Variants in TPRG1 observed in about 807,000 individuals in gnomAD.
TPRG1 encodes tumor protein p63 regulated 1.
A neutral mutation model predicts 29.3 loss-of-function variants in TPRG1; 29 were observed. The ratio of observed to expected loss-of-function variants is 0.99; its 90% CI spans 0.74 to 1.35. TPRG1 has a LOEUF of 1.35. Ranked by LOEUF, TPRG1 falls within the 40% of genes most tolerant of loss-of-function variation. The pLI is 0.00. For synonymous variants in TPRG1, 130 were observed against 116.8 expected, an observed-to-expected ratio of 1.11 and a Z score of -0.73; for missense variants, 327 against 335.0, an observed-to-expected ratio of 0.98 and a Z score of 0.19.
chr3:189,147,271 T>A (rs1462487905), intron 3 of TPRG1, among the ~76,000 whole-genome samples: 1 of 152,194 alleles, frequency 6.6e-6, no homozygotes, highest in African/African-American at 2.4e-5. Flanking sequence ...CTCCAGAATC[T>A]TTCGGCCTCA....
intron 4 of TPRG1, among the ~76,000 whole-genome samples, chr3:189,273,094 G>A (rs1336696677): frequency 6.6e-6 from 1 of 152,138 alleles, no homozygotes; most frequent in African/African-American, 2.4e-5. Context: ...AGAATGTGTT[G>A]AGGGAAAATC....
chr3:189,180,125 G>T (rs1387654458), intron 1 of TPRG1, among the ~76,000 whole-genome samples: 2 of 152,132 alleles, frequency 1.3e-5, no homozygotes, highest in Non-Finnish European at 2.9e-5. Context: ...TTGCTATCAT[G>T]AGAACAGCAT....
In TPRG1 at chr3:189,037,494, G is replaced by GAACCT. The variant is rs879851039; in HGVS notation, c.-463+13548_-463+13549insAACCT. Among the ~76,000 whole-genome samples, 3 of 151,940 alleles carry GAACCT rather than the reference G, an allele frequency of 2.0e-5. No homozygotes were observed. The East Asian group carries it at 5.8e-4, about 29-fold the overall frequency. ...GCATAAATGAGAACCTTATTAACTA[G>GAACCT]TTAAAGGCTGTATATGAACAACTTT... On this transcript the variant is annotated intron_variant, in intron 4 of 10. Coordinates refer to the TPRG1 transcript ENST00000433971.
At chr3:189,057,863 TAC>T (rs1715833253) in intron 4 of TPRG1, among the ~76,000 whole-genome samples, 1 of 111,546 alleles carries the variant, frequency 9.0e-6, no homozygotes, top group African/African-American at 5.8e-5. Flanking sequence ...TATACACACA[TAC>T]GTATGTGTGT....
chr3:189,315,616 G>C, intron 5 of TPRG1: 1 of 391,994 alleles, frequency 2.6e-6, no homozygotes, highest in Non-Finnish European at 5.1e-6. Flanking sequence ...CTCTTTTCTT[G>C]TATTTCTATC....
intron 1 of TPRG1, among the ~76,000 whole-genome samples, chr3:189,193,821 G>T (rs1732113123): frequency 6.7e-6 from 1 of 149,974 alleles, no homozygotes; most frequent in African/African-American, 2.5e-5. Context: ...TCCTGATTTT[G>T]TTGAATCGTC....
intron 1 of TPRG1, among the ~76,000 whole-genome samples, chr3:189,113,091 C>A (rs1465378245): frequency 6.6e-6 from 1 of 152,098 alleles, no homozygotes; most frequent in Admixed American, 6.5e-5. Flanking sequence ...AGGTCCTTCA[C>A]GTCCCTTGTA....
chr3:189,029,755 C>T (rs935752212), intron 4 of TPRG1, among the ~76,000 whole-genome samples: 16 of 152,116 alleles, frequency 1.1e-4, no homozygotes, highest in Admixed American at 3.3e-4. Context: ...GGCTTGGTGC[C>T]ATCCCCTGGA....
intron 4 of TPRG1, among the ~76,000 whole-genome samples, chr3:189,087,730 G>A (rs1225525392): frequency 1.3e-5 from 2 of 152,188 alleles, no homozygotes; most frequent in East Asian, 1.9e-4. Flanking sequence ...CAGATGTCTA[G>A]CCAGTTTTCC....
At chr3:189,190,364 A>G (rs759395654) in intron 1 of TPRG1, among the ~76,000 whole-genome samples, 34 of 152,256 alleles carry the variant, frequency 2.2e-4, no homozygotes, top group Non-Finnish European at 4.4e-4. Flanking sequence ...TTCAGTTTCT[A>G]TCTGGTCTCC....
chr3:189,111,069 C>G (rs1042923122), intron 1 of TPRG1, among the ~76,000 whole-genome samples: 2 of 150,684 alleles, frequency 1.3e-5, no homozygotes, highest in African/African-American at 4.9e-5. Context: ...TCTGCCTTTC[C>G]TTGGAAATTT....
chr3:189,055,027 G>A (rs935394652), intron 4 of TPRG1, among the ~76,000 whole-genome samples: 1 of 152,134 alleles, frequency 6.6e-6, no homozygotes, highest in Non-Finnish European at 1.5e-5. Context: ...AGGTATGTGT[G>A]TACAGTTTTT....
chr3:189,250,521 C>T (rs1306201372), intron 4 of TPRG1, among the ~76,000 whole-genome samples: 1 of 121,116 alleles, frequency 8.3e-6, no homozygotes, highest in Non-Finnish European at 1.8e-5. Context: ...CCCCCCCACC[C>T]AGATTAAAGC....
chr3:189,301,765 A>G (rs1224408005), intron 4 of TPRG1, among the ~76,000 whole-genome samples: 1 of 152,104 alleles, frequency 6.6e-6, no homozygotes, highest in Non-Finnish European at 1.5e-5. Context: ...TGAACACACT[A>G]TGCCTCTTCG....
intron 4 of TPRG1, among the ~76,000 whole-genome samples, chr3:189,304,828 A>T (rs1048171834): frequency 6.6e-6 from 1 of 152,184 alleles, no homozygotes; most frequent in Admixed American, 6.5e-5. Flanking sequence ...GAAAGGAGAC[A>T]TTAAGAAAAT....
chr3:189,013,196 T>C (rs367683733), intron 3 of TPRG1, among the ~76,000 whole-genome samples: 217 of 152,248 alleles, frequency 1.4e-3, no homozygotes, highest in African/African-American at 4.8e-3. Flanking sequence ...TAGCTGAGTC[T>C]CAGAGATTCT....
intron 3 of TPRG1, among the ~76,000 whole-genome samples, chr3:189,218,456 T>C (rs1421694936): frequency 1.3e-5 from 2 of 152,162 alleles, no homozygotes; most frequent in Admixed American, 1.3e-4. Flanking sequence ...CTGAGCTTCA[T>C]GCATATTAAC....
chr3:189,039,550 T>C (rs765755341), intron 4 of TPRG1, among the ~76,000 whole-genome samples: 11 of 152,214 alleles, frequency 7.2e-5, no homozygotes, highest in Non-Finnish European at 1.3e-4. Context: ...CATCACTGAG[T>C]GCAGACACTT....
At chr3:189,099,425 C>T (rs931399001), upstream of TPRG1, among the ~76,000 whole-genome samples, 4 of 152,032 alleles carry the variant, frequency 2.6e-5, no homozygotes, top group Non-Finnish European at 4.4e-5. Context: ...GCAGGCAGGC[C>T]GAGCGGTGGT....
Sources: allele counts gnomAD v4.1 joint callset (sites outside exome capture counted in the v4.1 genomes callset), GRCh38; gene constraint gnomAD v4.1.1; transcripts MANE v1.5; gene names NCBI Gene and HGNC (gene_info 2026-07-23, HGNC 2026-07-21).